The following NCAM2 variants were observed in gnomAD, a reference collection of about 807,000 sequenced individuals.
The protein encoded by NCAM2 is neural cell adhesion molecule 2.
A neutral mutation model predicts 98.1 loss-of-function variants in NCAM2; 30 were observed. The observed-to-expected ratio is 0.31, with a 90% CI of 0.23 to 0.41. The LOEUF (loss-of-function observed/expected upper bound fraction) is 0.41, where lower values mean the gene tolerates loss of function less well. Ranked by LOEUF, NCAM2 falls within the 10% of genes least tolerant of loss-of-function variation. NCAM2 has a pLI of 1.00. For missense variants in NCAM2, 867 were observed against 1,005.8 expected (o/e 0.86, Z 1.87); for synonymous variants, 368 against 342.4 (o/e 1.07, Z -0.83).
chr21:21,420,755 G>A (rs1171808795), intron 11 of NCAM2, among the ~76,000 whole-genome samples: 1 of 151,738 alleles, frequency 6.6e-6, no homozygotes, highest in Non-Finnish European at 1.5e-5. Context: ...AGGGAGAAAA[G>A]AGATTACATG....
At chr21:21,179,318 A>G (rs2068394657) in intron 1 of NCAM2, among the ~76,000 whole-genome samples, 2 of 152,022 alleles carry the variant, frequency 1.3e-5, no homozygotes, top group Non-Finnish European at 2.9e-5. Context: ...TTAAATTAAT[A>G]TTTTCTGATA....
intron 1 of NCAM2, among the ~76,000 whole-genome samples, chr21:21,012,807 A>G (rs1437515488): frequency 6.6e-6 from 1 of 152,048 alleles, no homozygotes; most frequent in Non-Finnish European, 1.5e-5. Context: ...TCTGTGTCAC[A>G]TTTAGGTAAC....
chr21:21,155,521 A>G (rs1000388614), intron 1 of NCAM2, among the ~76,000 whole-genome samples: 2 of 151,838 alleles, frequency 1.3e-5, no homozygotes, highest in Non-Finnish European at 2.9e-5. Context: ...TATGACTAGC[A>G]TAGTACTTGT....
chr21:21,455,587 C>A (rs10482918), intron 12 of NCAM2, among the ~76,000 whole-genome samples: 10,877 of 151,908 alleles, frequency 0.072, 621 homozygotes, highest in African/African-American at 0.15. Context: ...ATCAAAATAA[C>A]GTGTAATCTT....
At chr21:21,352,344 ACTC>A (rs1382324820) in intron 8 of NCAM2, among the ~76,000 whole-genome samples, 1 of 151,538 alleles carries the variant, frequency 6.6e-6, no homozygotes, top group Non-Finnish European at 1.5e-5. Flanking sequence ...ATGGTCATGA[ACTC>A]CTGGACTCAA....
chr21:21,333,412 C>G (rs570556441), intron 6 of NCAM2, among the ~76,000 whole-genome samples: 1 of 152,254 alleles, frequency 6.6e-6, no homozygotes, highest in Admixed American at 6.5e-5. Flanking sequence ...TATAACAGAT[C>G]ACCTCCTGCT....
rs560522617 is a variant in NCAM2, at chr21:21,009,712, T to G, written c.55+11094T>G. Among the ~76,000 whole-genome samples the G allele has an allele frequency of 6.9e-4, 105 of 152,152 alleles. 2 individuals carry two copies. The highest frequency in any genetic ancestry group is 2.5e-3 in the African/African-American group (102 of 41,546). On this transcript the variant is annotated intron_variant, in intron 1 of 17. Transcript: ENST00000400546. Reference sequence around the variant, plus strand: ...TAATCCCCCATAGTTAATTAAAAGTTGATTATTCATTCTATTGTTATTGGA... The same window carrying G: ...TAATCCCCCATAGTTAATTAAAAGTGGATTATTCATTCTATTGTTATTGGA...
At chr21:21,533,648 G>GTTTTTTTTT (rs71734481) in intron 16 of NCAM2, among the ~76,000 whole-genome samples, 1 of 137,866 alleles carries the variant, frequency 7.3e-6, no homozygotes. Context: ...CCCTTCTTTA[G>GTTTTTTTTT]TTTTTTTTTT....
intron 1 of NCAM2, among the ~76,000 whole-genome samples, chr21:21,256,095 C>A (rs1488826736): frequency 6.6e-6 from 1 of 152,184 alleles, no homozygotes; most frequent in Non-Finnish European, 1.5e-5. Context: ...TGGCTCACGC[C>A]TGTAATCCTA....
At chr21:21,500,514 T>G (rs1987556453) in intron 15 of NCAM2, among the ~76,000 whole-genome samples, 2 of 144,774 alleles carry the variant, frequency 1.4e-5, no homozygotes, top group African/African-American at 4.9e-5. Flanking sequence ...ATTTTATAAC[T>G]TGCGTAAATC....
chr21:21,342,102 C>T (rs2075059043), intron 8 of NCAM2, among the ~76,000 whole-genome samples: 1 of 152,128 alleles, frequency 6.6e-6, no homozygotes, highest in South Asian at 2.1e-4. Flanking sequence ...AGACCTTCCT[C>T]CCCATGGAAT....
At chr21:21,171,894 G>A (rs143732076) in intron 1 of NCAM2, among the ~76,000 whole-genome samples, 2,613 of 152,118 alleles carry the variant, frequency 0.017, 30 homozygotes, top group Non-Finnish European at 0.028. Flanking sequence ...ATGCTTATTA[G>A]TATAGTGCTA....
chr21:21,375,869 C>G (rs893753976), intron 9 of NCAM2, among the ~76,000 whole-genome samples: 3 of 151,592 alleles, frequency 2.0e-5, no homozygotes, highest in African/African-American at 7.3e-5. Flanking sequence ...ATATTTAGGA[C>G]TTTTATTCTT....
chr21:21,076,994 A>C (rs919160064), intron 1 of NCAM2, among the ~76,000 whole-genome samples: 1 of 152,146 alleles, frequency 6.6e-6, no homozygotes, highest in African/African-American at 2.4e-5. Context: ...GAGTTTGGTC[A>C]TAAGAGAAAA....
At chr21:21,321,212 C>A (rs2074366140) in intron 5 of NCAM2, among the ~76,000 whole-genome samples, 1 of 152,050 alleles carries the variant, frequency 6.6e-6, no homozygotes, top group African/African-American at 2.4e-5. Context: ...TTTATGTTTT[C>A]TTTTGAGAAA....
intron 1 of NCAM2, among the ~76,000 whole-genome samples, chr21:21,195,963 T>A (rs1286870601): frequency 6.6e-6 from 1 of 152,212 alleles, no homozygotes; most frequent in Non-Finnish European, 1.5e-5. Context: ...ACAGAGGTGA[T>A]TAATATCTGA....
intron 1 of NCAM2, among the ~76,000 whole-genome samples, chr21:21,222,176 A>C (rs899848859): frequency 1.3e-5 from 2 of 152,156 alleles, no homozygotes; most frequent in Non-Finnish European, 2.9e-5. Context: ...AATATTACTG[A>C]TTATTAATTG....
intron 13 of NCAM2, 119 bp from the exon 14 acceptor site, chr21:21,468,543 T>C: frequency 4.3e-6 from 4 of 926,430 alleles, no homozygotes; most frequent in African/African-American, 1.7e-5. Flanking sequence ...CAATGTCAAA[T>C]GGTAAATCCA....
chr21:21,381,877 G>C (rs1233514504), intron 9 of NCAM2, among the ~76,000 whole-genome samples: 1 of 151,860 alleles, frequency 6.6e-6, no homozygotes, highest in Non-Finnish European at 1.5e-5. Context: ...ATTTCTTGTA[G>C]AGCAGATTTT....
Sources: allele counts gnomAD v4.1 joint callset (sites outside exome capture counted in the v4.1 genomes callset), GRCh38; gene constraint gnomAD v4.1.1; transcripts MANE v1.5; gene names NCBI Gene and HGNC (gene_info 2026-07-23, HGNC 2026-07-21).